SAMMSON: variants seen among roughly 807,000 people sequenced by gnomAD.
SAMMSON encodes the protein long intergenic non-protein coding RNA 1212.
chr3:70,294,357 T>C (rs763618191), intron 7 of SAMMSON, among the ~76,000 whole-genome samples: 62 of 152,196 alleles, frequency 4.1e-4, no homozygotes, highest in Non-Finnish European at 6.3e-4. Context: ...GATTCAATTC[T>C]ATTTCAATTT....
At chr3:70,228,462 A>C (rs1701528645) in intron 4 of SAMMSON, among the ~76,000 whole-genome samples, 1 of 152,080 alleles carries the variant, frequency 6.6e-6, no homozygotes, top group Non-Finnish European at 1.5e-5. Context: ...AGATTCAGAA[A>C]TAGACTCTGT....
At chr3:70,391,242 A>G (rs1220399799), downstream of SAMMSON, among the ~76,000 whole-genome samples, 1 of 152,192 alleles carries the variant, frequency 6.6e-6, no homozygotes. Context: ...ACAAAAATGT[A>G]GATGTGAAGT....
intron 2 of SAMMSON, among the ~76,000 whole-genome samples, chr3:70,397,724 C>T (rs953035923): frequency 6.6e-6 from 1 of 151,908 alleles, no homozygotes; most frequent in Non-Finnish European, 1.5e-5. Context: ...GTATAAATAT[C>T]TTAATATGTA....
intron 4 of SAMMSON, among the ~76,000 whole-genome samples, chr3:70,217,401 G>A (rs987581030): frequency 2.6e-5 from 4 of 152,238 alleles, no homozygotes; most frequent in African/African-American, 9.6e-5. Context: ...ATTAATGGTT[G>A]AATTTCTCAA....
chr3:70,416,337 T>G (rs1701264661), intron 2 of SAMMSON, among the ~76,000 whole-genome samples: 1 of 152,244 alleles, frequency 6.6e-6, no homozygotes, highest in Admixed American at 6.5e-5. Flanking sequence ...ATTTAATTTA[T>G]ATGCCAATGA....
chr3:70,267,569 AT>A (rs147286000), intron 6 of SAMMSON, among the ~76,000 whole-genome samples: 616 of 30,754 alleles, frequency 0.02, 23 homozygotes, highest in Middle Eastern at 0.11. Context: ...TGCCCGGCTA[AT>A]TTTTTGTATT....
chr3:70,390,178 C>A (rs907983884), downstream of SAMMSON, among the ~76,000 whole-genome samples: 2 of 152,050 alleles, frequency 1.3e-5, no homozygotes, highest in South Asian at 4.1e-4. Context: ...CCTTGTGTTT[C>A]AATTTCATCA....
chr3:70,202,429 T>C (rs1471083522), intron 4 of SAMMSON, among the ~76,000 whole-genome samples: 1 of 152,136 alleles, frequency 6.6e-6, no homozygotes, highest in Admixed American at 6.5e-5. Context: ...AGCCTTCTTG[T>C]TGTTGCTAAT....
chr3:70,104,593 A>G (rs951155004), intron 4 of SAMMSON, among the ~76,000 whole-genome samples: 1 of 152,138 alleles, frequency 6.6e-6, no homozygotes, highest in African/African-American at 2.4e-5. Context: ...GTCAAGGTGT[A>G]CCCCAAACCG....
chr3:70,383,930 C>T (rs553307268), intron 9 of SAMMSON, among the ~76,000 whole-genome samples: 4 of 152,126 alleles, frequency 2.6e-5, no homozygotes, highest in Admixed American at 6.6e-5. Context: ...CTTGTATCAG[C>T]ACTACCTGTC....
At chr3:70,215,936 A>C (rs1257924719) in intron 4 of SAMMSON, among the ~76,000 whole-genome samples, 2 of 152,052 alleles carry the variant, frequency 1.3e-5, no homozygotes, top group Non-Finnish European at 1.5e-5. Context: ...AAGTCTATAA[A>C]TTTCTGTCTT....
intron 6 of SAMMSON, among the ~76,000 whole-genome samples, chr3:70,262,039 C>T (rs571959703): frequency 1.3e-5 from 2 of 152,286 alleles, no homozygotes; most frequent in South Asian, 4.1e-4. Context: ...GGATTTGAGC[C>T]ATTCCTCATG....
At chr3:70,387,103 T>C (rs191368229) in intron 9 of SAMMSON, among the ~76,000 whole-genome samples, 1 of 152,076 alleles carries the variant, frequency 6.6e-6, no homozygotes, top group East Asian at 1.9e-4. Context: ...ATAGTAGAGA[T>C]TATATCTAAC....
chr3:70,425,515 C>A (rs1701356643), intron 2 of SAMMSON, among the ~76,000 whole-genome samples: 2 of 151,890 alleles, frequency 1.3e-5, no homozygotes, highest in African/African-American at 4.8e-5. Flanking sequence ...AGGTTCACAC[C>A]ATTCTCCTGC....
chr3:70,137,912 G>C (rs770060467), intron 4 of SAMMSON, among the ~76,000 whole-genome samples: 13 of 152,080 alleles, frequency 8.5e-5, no homozygotes, highest in Non-Finnish European at 1.6e-4. Context: ...GTGTAGTTCT[G>C]TACTGCAGAT....
intron 4 of SAMMSON, among the ~76,000 whole-genome samples, chr3:70,159,246 A>G (rs565687651): frequency 6.6e-6 from 1 of 151,984 alleles, no homozygotes; most frequent in African/African-American, 2.4e-5. Flanking sequence ...ACATATGTAT[A>G]CATGTGCCAT....
At chr3:70,342,589 C>T (rs532054009) in intron 7 of SAMMSON, among the ~76,000 whole-genome samples, 2 of 152,096 alleles carry the variant, frequency 1.3e-5, no homozygotes, top group Non-Finnish European at 2.9e-5. Context: ...TGGCTAACTG[C>T]GAGCTACATT....
At chr3:70,244,494 AT>A (rs1701688545) in intron 4 of SAMMSON, among the ~76,000 whole-genome samples, 1 of 152,180 alleles carries the variant, frequency 6.6e-6, no homozygotes, top group South Asian at 2.1e-4. Flanking sequence ...ATTATTTTTA[AT>A]TTTTTAATGC....
At chr3:70,074,073 A>T (rs892881319) in intron 4 of SAMMSON, among the ~76,000 whole-genome samples, 2 of 151,928 alleles carry the variant, frequency 1.3e-5, no homozygotes, top group African/African-American at 4.8e-5. Context: ...CAATGTCTGT[A>T]TTATACAACA....
Sources: gnomAD v4.1 joint callset for allele counts (sites outside exome capture counted in the v4.1 genomes callset) on GRCh38, gnomAD v4.1.1 for gene constraint, MANE v1.5 for transcripts, NCBI Gene and HGNC (gene_info 2026-07-23, HGNC 2026-07-21) for gene names.